ADGRG1: variants seen among roughly 807,000 people sequenced by gnomAD.
ADGRG1 encodes the protein 7-transmembrane protein with no EGF-like N-terminal domains-1.
A neutral mutation model predicts 73.5 loss-of-function variants in ADGRG1; 53 were observed. That is an observed-to-expected ratio of 0.72 (90% CI 0.58 to 0.91). The LOEUF is 0.91. Among genes scored for constraint, ADGRG1 ranks in the 40% least tolerant of loss-of-function variants. The pLI is 0.00. For missense variants in ADGRG1, 795 were observed against 871.8 expected, an observed-to-expected ratio of 0.91 and a Z score of 1.11; for synonymous variants, 394 against 374.4, an observed-to-expected ratio of 1.05 and a Z score of -0.60.
intron 1 of ADGRG1, 23 bp from the exon 2 acceptor site, chr16:57,650,230 C>T: frequency 1.3e-6 from 2 of 1,581,800 alleles, no homozygotes; most frequent in Non-Finnish European, 1.7e-6. Context: ...ACACTCCCAG[C>T]TAACACTCCT....
intron 10 of ADGRG1, among the ~76,000 whole-genome samples, chr16:57,657,869 G>A (rs899557219): frequency 6.6e-6 from 1 of 151,964 alleles, no homozygotes; most frequent in Non-Finnish European, 1.5e-5. Flanking sequence ...AGCCTCCTGA[G>A]TAGTTGGGAC....
chr16:57,630,828 A>T (rs1288586759), intron 1 of ADGRG1: 1 of 405,690 alleles, frequency 2.5e-6, no homozygotes, highest in Admixed American at 6.4e-5. Flanking sequence ...CTGTAGGGGG[A>T]GTCCTAGTGG....
chr16:57,646,879 C>A, intron 1 of ADGRG1: 2 of 970,180 alleles, frequency 2.1e-6, no homozygotes, highest in Non-Finnish European at 2.5e-6. Flanking sequence ...TAGAATGCCC[C>A]CTGCTCAGCC....
intron 1 of ADGRG1, among the ~76,000 whole-genome samples, chr16:57,645,777 G>A (rs77030834): frequency 0.027 from 4,057 of 152,280 alleles, 74 homozygotes; most frequent in Non-Finnish European, 0.043. Flanking sequence ...CTGACCCACC[G>A]GCAGGCTTGG....
chr16:57,652,158 TC>T, intron 3 of ADGRG1: 1 of 1,006,560 alleles, frequency 9.9e-7, no homozygotes, highest in Non-Finnish European at 1.2e-6. Context: ...GTATGAGAGG[TC>T]AAAGGTCAGG....
chr16:57,655,934 C>A lies in ADGRG1; in HGVS notation c.959C>A (p.Thr320Asn). The A allele has an allele frequency of 6.2e-7, 1 of 1,614,174 alleles. No homozygotes were observed. The highest frequency in any genetic ancestry group is 8.5e-7 in the Non-Finnish European group (1 of 1,180,014). The change falls in exon 7 of 14, where the codon ACC becomes AAC. Residue 320 changes from threonine (T) to asparagine (N), a missense_variant. Physicochemically the swap from Thr to Asn is moderately conservative, Grantham distance 65. Coordinates refer to ENST00000562631, the MANE Select transcript of ADGRG1 (RefSeq NM_201525.4). ...GTCTTGGGGATTGTGGTACAGAACA[C>A]CAAAGTAGCCAACCTCACGGAGCCC... ...EKVLGIVVQN[T>N]KVANLTEPVV... is the part of the protein sequence containing the mutation.
chr16:57,655,976 A>G lies in ADGRG1; in HGVS notation c.1001A>G (p.Gln334Arg). The change falls in exon 7 of 14, where the codon CAG (glutamine) becomes CGG (arginine). Residue 334 changes from glutamine to arginine, a missense_variant. Gln to Arg is a conservative substitution (Grantham distance 43). Coordinates refer to ENST00000562631, the MANE Select transcript of ADGRG1 (RefSeq NM_201525.4). The part of the protein sequence containing the change: ...NLTEPVVLTF[Q>R]HQLQPKNVTL... Reference sequence around the variant, plus strand: ...ACGGAGCCCGTGGTGCTCACTTTCCAGCACCAGCTACAGCCGGTGAGTGGG... The same window carrying G: ...ACGGAGCCCGTGGTGCTCACTTTCCGGCACCAGCTACAGCCGGTGAGTGGG... The G allele has an allele frequency of 3.1e-6, 5 of 1,614,016 alleles. No homozygotes were observed. Among genetic ancestry groups the G allele is most frequent in the Non-Finnish European group, 4.2e-6 (5 of 1,179,998 alleles).
Position 57,654,073 on chromosome 16 carries a change from G to C in ADGRG1, c.708G>C (p.Thr236=). 6.2e-7 allele frequency: 1 copy of C among 1,613,950 alleles called. No individual in the cohort carries two copies. The highest frequency in any genetic ancestry group is 8.5e-7 in the Non-Finnish European group (1 of 1,180,044). ...VSFEEDRINA[T]VWKLQPTAGL... ...TCGAGGAGGACCGGATCAACGCCAC[G>C]GTGTGGAAGCTCCAGCCCACAGCCG... is the stretch of plus-strand genomic sequence containing the variant. Residue 236 remains threonine (T), a synonymous_variant, in exon 5 of 14, where the codon ACG becomes ACC. Transcript: ENST00000562631.
At chr16:57,628,254 G>A (rs1378648537), upstream of ADGRG1, 5 of 886,786 alleles carry the variant, frequency 5.6e-6, no homozygotes, top group East Asian at 1.2e-4. Flanking sequence ...GGGGGTGGGC[G>A]GACAGCATCC....
intron 1 of ADGRG1, chr16:57,639,325 G>A (rs1308107794): frequency 9.1e-6 from 9 of 985,422 alleles, no homozygotes; most frequent in African/African-American, 1.7e-5. Context: ...ACGGAGCCAC[G>A]TTGCTTTGCT....
intron 1 of ADGRG1, chr16:57,647,778 T>C (rs2043049260): frequency 2.0e-6 from 2 of 983,906 alleles, no homozygotes; most frequent in South Asian, 4.7e-5. Context: ...GGAGTGGGGA[T>C]GACTCAGGAA....
chr16:57,663,533 G>C lies in ADGRG1; in HGVS notation c.2015G>C (p.Ser672Thr), dbSNP rs2047787710. Reference sequence around the variant, plus strand: ...TCCCCTCTGAAGAGCAACTCAGACAGCGCCAGGCTCCCCATCAGCTCGGGC... The same window carrying C: ...TCCCCTCTGAAGAGCAACTCAGACACCGCCAGGCTCCCCATCAGCTCGGGC... ...GPSPLKSNSDSARLPISSGST... is the reference protein window; with the variant it reads ...GPSPLKSNSDTARLPISSGST... Residue 672 changes from serine to threonine, a missense_variant, in exon 14 of 14, where the codon AGC becomes ACC. Coordinates refer to ENST00000562631, the MANE Select transcript of ADGRG1 (RefSeq NM_201525.4). 1.9e-6 allele frequency: 3 copies of C among 1,613,934 alleles called. No homozygotes were observed. The highest frequency in any genetic ancestry group is 8.5e-7 in the Non-Finnish European group (1 of 1,179,964).
chr16:57,645,669 G>A (rs1459782000), intron 1 of ADGRG1, among the ~76,000 whole-genome samples: 1 of 152,096 alleles, frequency 6.6e-6, no homozygotes, highest in Non-Finnish European at 1.5e-5. Flanking sequence ...GTCCATCAAC[G>A]GGATGCTTGT....
At chr16:57,634,141 G>T in intron 1 of ADGRG1, 1 of 985,382 alleles carries the variant, frequency 1.0e-6, no homozygotes, top group Non-Finnish European at 1.2e-6. Context: ...TTCTCTGCTG[G>T]GTGAGTTCAC....
rs989849592 is a variant in ADGRG1, at chr16:57,635,453, G to C, written c.-36+6651G>C. ...GTGCAGCACCCTTGCCAGCCATGGT[G>C]GGGGAGGACAGCCAGTGTCTCTTCA... On this transcript the variant is annotated intron_variant, in intron 1 of 13. Coordinates refer to ENST00000562631, the MANE Select transcript of ADGRG1 (RefSeq NM_201525.4). 9 of 985,170 alleles carry C rather than the reference G, an allele frequency of 9.1e-6. No homozygotes were observed. The African/African-American group carries it at 1.6e-4, about 17-fold the overall frequency. 61.0% of individuals were successfully genotyped at this position (985,170 alleles called of 1,614,324 possible).
At chr16:57,644,977 C>A in intron 1 of ADGRG1, 1 of 698,366 alleles carries the variant, frequency 1.4e-6, no homozygotes, top group African/African-American at 1.9e-5. Flanking sequence ...CATGGGCACA[C>A]ACCCCCATGC....
At position 57,651,582 on chromosome 16, in the gene ADGRG1, C is replaced by T. The variant is rs369913361; in HGVS notation, c.447C>T (p.Ile149=). The T allele has an allele frequency of 2.7e-5, 44 of 1,613,958 alleles. No homozygotes were observed. The highest frequency in any genetic ancestry group is 3.4e-5 in the Non-Finnish European group (40 of 1,180,042). The change falls in exon 3 of 14, where the codon ATC becomes ATT. Residue 149 remains isoleucine (I), a synonymous_variant. Transcript: ENST00000562631. ...CCTCCTGGTGGAGCCCTCAGAACAT[C>T]AGCCTGCCCAGTGCCGCCAGCTTCA... is the stretch of plus-strand genomic sequence containing the variant. ...SVTSWWSPQN[I]SLPSAASFTF... is the part of the protein sequence containing the mutation.
chr16:57,639,833 C>A, intron 1 of ADGRG1: 1 of 936,830 alleles, frequency 1.1e-6, no homozygotes, highest in Non-Finnish European at 1.3e-6. Context: ...CTCTCCCGTG[C>A]ATTCCCCTTC....
At position 57,630,625 on chromosome 16, in the gene ADGRG1, C is replaced by T. The variant is rs75590155; in HGVS notation, c.-36+1823C>T. 372 of 600,844 alleles carry T rather than the reference C, an allele frequency of 6.2e-4. No homozygotes were observed. The African/African-American group carries it at 6.9e-3, about 11-fold the overall frequency. 37.2% of individuals were successfully genotyped at this position (600,844 alleles called of 1,614,324 possible). A position where few individuals can be genotyped will look rare whatever the true frequency, so the allele number is the denominator to read the frequency against. On this transcript the variant is annotated intron_variant, in intron 1 of 13. Transcript: ENST00000562631. ...GGGCCACTGGGCAAGGGCCAGTCAG[C>T]CTGGTGTGACACTTCCTTTTGTCAG...
Sources: gnomAD v4.1 joint callset for allele counts (sites outside exome capture counted in the v4.1 genomes callset) on GRCh38, gnomAD v4.1.1 for gene constraint, MANE v1.5 for transcripts, NCBI Gene and HGNC (gene_info 2026-07-23, HGNC 2026-07-21) for gene names.